The following PPL variants were observed in gnomAD, a reference collection of about 807,000 sequenced individuals.
The protein encoded by PPL is periplakin, also known as 190 kDa paraneoplastic pemphigus antigen.
In PPL, 198 loss-of-function variants were observed where a neutral mutation model predicts 194.4. The observed-to-expected ratio is 1.02, with a 90% confidence interval of 0.91 to 1.15. The LOEUF is 1.15. PPL is among the 50% of genes most tolerant of loss of function. The probability of loss-of-function intolerance (pLI) is 0.00; values close to 1 mark genes in which losing one functional copy is unlikely to be tolerated. For synonymous variants in PPL, 1,220 were observed against 972.4 expected (o/e 1.25, Z -4.74); for missense variants, 2,885 against 2,294.8 (o/e 1.26, Z -5.25).
In PPL at chr16:4,893,383, G is replaced by A; in HGVS notation, c.1493-13C>T. 1 of 1,603,774 alleles carries A rather than the reference G, an allele frequency of 6.2e-7. No individual in the cohort carries two copies. Among genetic ancestry groups the A allele is most frequent in the South Asian group, 1.1e-5 (1 of 90,868 alleles). ...AGGTCAGAGGCATCTGTGGAGGGAG[G>A]GAGGACACAGGCAGGTGTGACAACG... On this transcript the variant is annotated splice_polypyrimidine_tract_variant and intron_variant, in intron 13 of 21. Coordinates refer to ENST00000345988, the MANE Select transcript of PPL (RefSeq NM_002705.5).
intron 1 of PPL, 143 bp downstream of exon 1, chr16:4,936,841 C>T: frequency 1.3e-6 from 1 of 786,362 alleles, no homozygotes; most frequent in Non-Finnish European, 1.8e-6. Flanking sequence ...TCCCGCGTTC[C>T]CGAGAGTCCC....
chr16:4,886,105 C>T, intron 21 of PPL, 58 bp from the exon 22 acceptor site: 1 of 1,602,732 alleles, frequency 6.2e-7, no homozygotes, highest in South Asian at 1.1e-5. Flanking sequence ...CATGTAGGGC[C>T]TGTCCCCACC....
At chr16:4,934,963 G>C (rs1290899676) in intron 1 of PPL, among the ~76,000 whole-genome samples, 1 of 152,206 alleles carries the variant, frequency 6.6e-6, no homozygotes, top group African/African-American at 2.4e-5. Flanking sequence ...CTCATTCTGT[G>C]CTGGGGTGGC....
In PPL at chr16:4,883,166, G is replaced by C; in HGVS notation, c.*218C>G. 1 of 589,834 alleles carries C rather than the reference G, an allele frequency of 1.7e-6. No homozygotes were observed. The highest frequency in any genetic ancestry group is 2.1e-5 in the South Asian group (1 of 46,806). 36.5% of individuals were successfully genotyped at this position (589,834 alleles called of 1,614,324 possible). A position where few individuals can be genotyped will look rare whatever the true frequency, so the allele number is the denominator to read the frequency against. On this transcript the variant is annotated 3_prime_UTR_variant, in exon 22 of 22. Coordinates refer to ENST00000345988, the MANE Select transcript of PPL (RefSeq NM_002705.5). This position sits in a 1 kb window ranked among gnomAD's most constrained non-coding sequence, Gnocchi z 4.8. ...AGTTGTCCAGTCATTGGAGGATGAA[G>C]TACGTCACTCAGGGTGAATGATGGT...
intron 1 of PPL, among the ~76,000 whole-genome samples, chr16:4,930,840 C>G (rs1249087152): frequency 3.9e-5 from 6 of 152,226 alleles, no homozygotes; most frequent in Admixed American, 2.0e-4. Flanking sequence ...AAGACGGTGA[C>G]AGGCACATGT....
rs1278915221 is a variant in PPL at position 4,885,994 on chromosome 16, A to T, written c.2661T>A (p.Ser887=). ...HETLQRNRPD[S]GVEEAWKIRK... ...TGATCTTCCACGCCTCCTCCACTCC[A>T]GAGTCCGGCCTATTCCTTTGCAGGG... Residue 887 remains serine, a synonymous_variant, in exon 22 of 22, where the codon TCT becomes TCA. Coordinates refer to ENST00000345988, the MANE Select transcript of PPL (RefSeq NM_002705.5). This position sits in a 1 kb window ranked among gnomAD's most constrained non-coding sequence, Gnocchi z 6.3. 3.1e-6 allele frequency: 5 copies of T among 1,613,884 alleles called. No individual in the cohort carries two copies. Among genetic ancestry groups the T allele is most frequent in the Non-Finnish European group, 4.2e-6 (5 of 1,180,016 alleles).
rs570492605 is a variant in PPL at position 4,929,099 on chromosome 16, C to T, written c.62+7885G>A. On this transcript the variant is annotated intron_variant, in intron 1 of 21. Transcript: ENST00000345988. ...CAAACTCTCTGAGCCTCACTTGGAA[C>T]GAGAGCTGAGGGTAGAATTTATCTC... 3.6e-4 allele frequency among the ~76,000 whole-genome samples: 53 copies of T among 148,216 alleles called. 1 individual carries two copies. The highest frequency in any genetic ancestry group is 1.1e-3 in the African/African-American group (43 of 40,186).
Position 4,894,593 on chromosome 16 carries a change from T to C in PPL, c.1268A>G (p.Tyr423Cys), listed in dbSNP as rs1191658597. Residue 423 changes from tyrosine to cysteine, a missense_variant, in exon 12 of 22, where the codon TAC becomes TGC. Physicochemically the swap from Tyr to Cys is radical, Grantham distance 194 (BLOSUM62 -2). Coordinates refer to ENST00000345988, the MANE Select transcript of PPL (RefSeq NM_002705.5). The stretch of plus-strand genomic sequence containing the variant: ...CTCCCCGTTGTTCTTCTGCAGGGTG[T>C]AGCTGTAGCCCCGCGAGATCAGGCC... ...EQGLISRGYSYTLQKNNGESW... is the reference protein window; with the variant it reads ...EQGLISRGYSCTLQKNNGESW... The C allele has an allele frequency of 6.2e-7, 1 of 1,613,634 alleles. No individual in the cohort carries two copies. Among genetic ancestry groups the C allele is most frequent in the Admixed American group, 1.7e-5 (1 of 60,014 alleles).
intron 1 of PPL, among the ~76,000 whole-genome samples, chr16:4,917,332 T>C (rs531769956): frequency 8.5e-5 from 13 of 152,234 alleles, no homozygotes; most frequent in Non-Finnish European, 1.6e-4. Flanking sequence ...GGCCAAAGAA[T>C]GAAGGCAGGA....
At chr16:4,906,021 T>A (rs2088674758) in intron 2 of PPL, among the ~76,000 whole-genome samples, 1 of 152,010 alleles carries the variant, frequency 6.6e-6, no homozygotes, top group Non-Finnish European at 1.5e-5. Flanking sequence ...GGCAGGAGAA[T>A]CATTTGAGTC....
At position 4,892,114 on chromosome 16, in the gene PPL, G is replaced by T; in HGVS notation, c.1750C>A (p.Pro584Thr). Residue 584 changes from proline to threonine, a missense_variant, in exon 15 of 22, where the codon CCC (proline) becomes ACC (threonine). Physicochemically the swap from Pro to Thr is conservative, Grantham distance 38 (BLOSUM62 -1). Coordinates refer to ENST00000345988, the MANE Select transcript of PPL (RefSeq NM_002705.5). ...IQALPGSGTT[P>T]LLRTRVEDTN... The stretch of plus-strand genomic sequence containing the variant: ...TCCTCCACCCGGGTCCTCAGCAGGG[G>T]TGTGGTGCCACTGCCTGGGAGGGCC... The T allele has an allele frequency of 6.2e-7, 1 of 1,613,794 alleles. No homozygotes were observed. The highest frequency in any genetic ancestry group is 1.3e-5 in the African/African-American group (1 of 75,064).
chr16:4,903,944 C>T lies in PPL; in HGVS notation c.259G>A (p.Ala87Thr). ...ATGTGCTTGGCAATGGCCGCATCCG[C>T]CTCTAGCACATAGAGCAGCTTCTCA... is the stretch of plus-strand genomic sequence containing the variant. Reference protein sequence around the residue: ...DSEKLLYVLEADAAIAKHMKH... With the variant: ...DSEKLLYVLETDAAIAKHMKH... Residue 87 changes from alanine to threonine, a missense_variant, in exon 3 of 22, where the codon GCG (alanine) becomes ACG (threonine). Transcript: ENST00000345988. 6.2e-7 allele frequency: 1 copy of T among 1,614,112 alleles called. No homozygotes were observed. Among genetic ancestry groups the T allele is most frequent in the South Asian group, 1.1e-5 (1 of 91,088 alleles).
In PPL at chr16:4,894,624, G is replaced by C. The variant is rs141615520; in HGVS notation, c.1243-6C>G. The stretch of plus-strand genomic sequence containing the variant: ...TAGCCCCGCGAGATCAGGCCCTGGC[G>C]GGGGCAGGCTGGACAGTCAGGATCC... On this transcript the variant is annotated splice_polypyrimidine_tract_variant and splice_region_variant and intron_variant, in intron 11 of 21. Coordinates refer to ENST00000345988, the MANE Select transcript of PPL (RefSeq NM_002705.5). 3.1e-6 allele frequency: 5 copies of C among 1,611,790 alleles called. No homozygotes were observed. Among genetic ancestry groups the C allele is most frequent in the South Asian group, 1.1e-5 (1 of 91,068 alleles).
chr16:4,922,793 G>A (rs975343835), intron 1 of PPL, among the ~76,000 whole-genome samples: 1 of 151,354 alleles, frequency 6.6e-6, no homozygotes, highest in Non-Finnish European at 1.5e-5. Context: ...GCTGATCCTG[G>A]TGCAAGCCCA....
intron 1 of PPL, among the ~76,000 whole-genome samples, chr16:4,913,880 G>A (rs2142392522): frequency 6.6e-6 from 1 of 152,286 alleles, no homozygotes; most frequent in East Asian, 1.9e-4. Flanking sequence ...GCTGTGTGCG[G>A]GCCCTGCACC....
chr16:4,885,420 G>A lies in PPL; in HGVS notation c.3235C>T (p.Arg1079Cys), dbSNP rs779295320. The change falls in exon 22 of 22, where the codon CGC (arginine) becomes TGC (cysteine). Residue 1079 changes from arginine (R) to cysteine (C), a missense_variant. Coordinates refer to ENST00000345988, the MANE Select transcript of PPL (RefSeq NM_002705.5). This position sits in a 1 kb window ranked among gnomAD's most constrained non-coding sequence, Gnocchi z 6.3. ...TGCTTCTCCCTGAGCTGGTCCTGGC[G>A]CTGGTGGTCCTCCTGCAGCTGCTGG... ...EYQQLQEDHQRQDQLREKQEE... is the reference protein window; with the variant it reads ...EYQQLQEDHQCQDQLREKQEE... 1.2e-5 allele frequency: 19 copies of A among 1,612,488 alleles called. No individual in the cohort carries two copies. Among genetic ancestry groups the A allele is most frequent in the Admixed American group, 6.7e-5 (4 of 59,992 alleles).
At chr16:4,922,880 A>G (rs565531148) in intron 1 of PPL, among the ~76,000 whole-genome samples, 25 of 152,248 alleles carry the variant, frequency 1.6e-4, no homozygotes, top group African/African-American at 5.8e-4. Context: ...AGAATTTGGA[A>G]CCATCTCCTC....
intron 2 of PPL, among the ~76,000 whole-genome samples, chr16:4,908,668 G>A (rs186361687): frequency 1.3e-5 from 2 of 152,144 alleles, no homozygotes; most frequent in East Asian, 3.9e-4. Context: ...CTCCCAAGGA[G>A]CTGGGATTAC....
intron 11 of PPL, among the ~76,000 whole-genome samples, chr16:4,895,060 G>T (rs111805200): frequency 0.071 from 10,791 of 152,264 alleles, 395 homozygotes; most frequent in African/African-American, 0.089. Flanking sequence ...TTGCTAAGCT[G>T]GTGGAACACA....
Sources: gnomAD v4.1 joint callset for allele counts (sites outside exome capture counted in the v4.1 genomes callset) on GRCh38, gnomAD v4.1.1 for gene constraint, Gnocchi (gnomAD v3.1) non-coding constraint, MANE v1.5 for transcripts, NCBI Gene and HGNC (gene_info 2026-07-23, HGNC 2026-07-21) for gene names.